Variants in SOX5 observed in about 807,000 individuals in gnomAD.
The protein encoded by SOX5 is SRY-box transcription factor 5, also known as transcription factor SOX-5.
SOX5 carries 9 observed loss-of-function variants against 92.0 expected under a neutral mutation model. The ratio of observed to expected loss-of-function variants is 0.10; its 90% CI spans 0.06 to 0.17. The LOEUF is 0.17. SOX5 is among the 10% of genes least tolerant of loss of function. The probability of loss-of-function intolerance (pLI) is 1.00; values close to 1 mark genes in which losing one functional copy is unlikely to be tolerated. For synonymous variants in SOX5, 344 were observed against 336.3 expected (o/e 1.02, Z -0.25); for missense variants, 642 against 944.5 (o/e 0.68, Z 4.20).
chr12:23,789,201 T>C (rs2095429179), intron 3 of SOX5, among the ~76,000 whole-genome samples: 1 of 151,018 alleles, frequency 6.6e-6, no homozygotes, highest in African/African-American at 2.4e-5. Flanking sequence ...ATTATCCATT[T>C]TCCTCCTTTA....
At chr12:24,093,248 G>A (rs967912323) in intron 4 of SOX5, among the ~76,000 whole-genome samples, 1 of 152,096 alleles carries the variant, frequency 6.6e-6, no homozygotes, top group African/African-American at 2.4e-5. Context: ...GCGGCTGGGC[G>A]CGGTGGCTCA....
intron 4 of SOX5, among the ~76,000 whole-genome samples, chr12:23,751,310 A>C (rs2094173689): frequency 2.0e-5 from 3 of 151,928 alleles, no homozygotes. Context: ...CAAGATTACT[A>C]TTCGTAAACC....
chr12:23,604,424 G>C lies in SOX5; in HGVS notation c.1127C>G (p.Thr376Arg). The change falls in exon 9 of 15, where the codon ACA becomes AGA. Residue 376 changes from threonine (T) to arginine (R), a missense_variant. Thr to Arg is a moderately conservative substitution (Grantham distance 71). Coordinates refer to ENST00000451604, the MANE Select transcript of SOX5 (RefSeq NM_006940.6). ...TGGTGGGCTGTTTGTGCTCTTGTCT[G>C]TGTGAATGCTGGTAGGAGATACAGC... ...GAAVSPTSIHTDKSTNSPPPK... is the reference protein window; with the variant it reads ...GAAVSPTSIHRDKSTNSPPPK... The C allele has an allele frequency of 6.2e-7, 1 of 1,613,802 alleles. No homozygotes were observed. Among genetic ancestry groups the C allele is most frequent in the Non-Finnish European group, 8.5e-7 (1 of 1,179,778 alleles).
chr12:23,669,813 A>G (rs191830070), intron 6 of SOX5, among the ~76,000 whole-genome samples: 90 of 152,316 alleles, frequency 5.9e-4, no homozygotes, highest in African/African-American at 2.2e-3. Flanking sequence ...AGTGATGGCT[A>G]CGGTTTTGGA....
intron 4 of SOX5, among the ~76,000 whole-genome samples, chr12:24,027,838 G>T (rs758173526): frequency 5.3e-5 from 8 of 151,784 alleles, no homozygotes; most frequent in Non-Finnish European, 1.0e-4. Flanking sequence ...TCTCCACCCC[G>T]CATTCAGAGT....
At chr12:23,874,410 C>T (rs1385619767) in intron 2 of SOX5, among the ~76,000 whole-genome samples, 1 of 152,118 alleles carries the variant, frequency 6.6e-6, no homozygotes, top group African/African-American at 2.4e-5. Flanking sequence ...CAGACCACCG[C>T]AACCTTGGTG....
At chr12:23,672,990 G>A (rs1379291434) in intron 6 of SOX5, among the ~76,000 whole-genome samples, 4 of 152,036 alleles carry the variant, frequency 2.6e-5, no homozygotes, top group African/African-American at 7.2e-5. Context: ...ATGATGACAT[G>A]TATTATAAAT....
intron 4 of SOX5, among the ~76,000 whole-genome samples, chr12:24,061,108 TTCC>T (rs1289712576): frequency 2.6e-5 from 4 of 152,010 alleles, no homozygotes; most frequent in Non-Finnish European, 5.9e-5. Flanking sequence ...GTTGGCTGCT[TTCC>T]TCCTCCTTTT....
At chr12:24,185,875 G>A (rs985174340) in intron 4 of SOX5, among the ~76,000 whole-genome samples, 2 of 152,238 alleles carry the variant, frequency 1.3e-5, no homozygotes, top group Non-Finnish European at 2.9e-5. Context: ...AATAACATTC[G>A]TTGAATGAAT....
chr12:23,729,054 G>A (rs1468292181), intron 6 of SOX5, among the ~76,000 whole-genome samples: 1 of 148,564 alleles, frequency 6.7e-6, no homozygotes, highest in Non-Finnish European at 1.5e-5. Flanking sequence ...TTTCCTAGAA[G>A]TTCTCCTCTT....
intron 4 of SOX5, among the ~76,000 whole-genome samples, chr12:23,958,451 T>G (rs962814774): frequency 2.0e-5 from 3 of 152,072 alleles, no homozygotes; most frequent in African/African-American, 7.2e-5. Context: ...CATTAACAAT[T>G]ATCAAGTTCT....
At chr12:23,739,252 T>C (rs1243063372) in intron 5 of SOX5, among the ~76,000 whole-genome samples, 7 of 152,190 alleles carry the variant, frequency 4.6e-5, no homozygotes, top group Non-Finnish European at 8.8e-5. Context: ...GCCATACTTA[T>C]CTGTAAGCTG....
intron 1 of SOX5, among the ~76,000 whole-genome samples, chr12:24,435,788 T>A (rs1453105689): frequency 2.6e-5 from 4 of 152,226 alleles, no homozygotes; most frequent in Admixed American, 2.6e-4. Flanking sequence ...TTTAACAAAT[T>A]GAAGGTTTGT....
chr12:24,102,922 G>C (rs1176155236), intron 4 of SOX5, among the ~76,000 whole-genome samples: 1 of 152,122 alleles, frequency 6.6e-6, no homozygotes, highest in African/African-American at 2.4e-5. Context: ...CTGACATACA[G>C]AACAAAGAAA....
At chr12:23,641,363 A>G (rs2080035313) in intron 7 of SOX5, among the ~76,000 whole-genome samples, 1 of 152,210 alleles carries the variant, frequency 6.6e-6, no homozygotes, top group Non-Finnish European at 1.5e-5. Flanking sequence ...TCTTGATTCA[A>G]ATAATCTTAA....
At chr12:24,128,827 T>G (rs1294818123) in intron 4 of SOX5, among the ~76,000 whole-genome samples, 1 of 152,144 alleles carries the variant, frequency 6.6e-6, no homozygotes, top group Non-Finnish European at 1.5e-5. Flanking sequence ...TGGGCTGTTG[T>G]GTAGGAAATG....
At chr12:24,165,179 A>G (rs910560973) in intron 4 of SOX5, among the ~76,000 whole-genome samples, 1 of 152,126 alleles carries the variant, frequency 6.6e-6, no homozygotes, top group Non-Finnish European at 1.5e-5. Flanking sequence ...AATACCTATT[A>G]TTAAATGTTT....
intron 11 of SOX5, among the ~76,000 whole-genome samples, chr12:23,547,685 T>C (rs1023237668): frequency 2.0e-5 from 3 of 152,134 alleles, no homozygotes; most frequent in Non-Finnish European, 2.9e-5. Flanking sequence ...ATTATGTACA[T>C]TATTTAATAG....
chr12:24,083,864 T>A (rs1436800858), intron 4 of SOX5, among the ~76,000 whole-genome samples: 1 of 152,052 alleles, frequency 6.6e-6, no homozygotes. Flanking sequence ...AAAATAGGTC[T>A]GGAAATCTAG....
Sources: gnomAD v4.1 joint callset for allele counts (sites outside exome capture counted in the v4.1 genomes callset) on GRCh38, gnomAD v4.1.1 for gene constraint, MANE v1.5 for transcripts, NCBI Gene and HGNC (gene_info 2026-07-23, HGNC 2026-07-21) for gene names.